Variants in CRTAP observed in about 807,000 individuals in gnomAD.
The protein encoded by CRTAP is cartilage-associated protein.
A neutral mutation model predicts 42.7 loss-of-function variants in CRTAP; 33 were observed. That is an observed-to-expected ratio of 0.77 (90% CI 0.59 to 1.03). CRTAP has a LOEUF of 1.03. Among genes scored for constraint, CRTAP ranks in the 50% least tolerant of loss-of-function variants. CRTAP has a pLI of 0.00. For synonymous variants in CRTAP, 243 were observed against 217.7 expected (o/e 1.12, Z -1.02); for missense variants, 613 against 533.9 (o/e 1.15, Z -1.46).
At position 33,126,379 on chromosome 3, in the gene CRTAP, T is replaced by C. The variant is rs149395205; in HGVS notation, c.793+1800T>C. On this transcript the variant is annotated intron_variant, in intron 3 of 6. Transcript: ENST00000320954. Reference sequence around the variant, plus strand: ...TGAAGAATCTGCATTTTTTGTCCCGTAGAGATTCCCATGGTCTGGGTTTTG... The same window carrying C: ...TGAAGAATCTGCATTTTTTGTCCCGCAGAGATTCCCATGGTCTGGGTTTTG... 1.4e-3 allele frequency among the ~76,000 whole-genome samples: 219 copies of C among 152,328 alleles called. 1 individual carries two copies. Among genetic ancestry groups the C allele is most frequent in the African/African-American group, 5.2e-3 (215 of 41,578 alleles).
At chr3:33,139,112 G>A (rs1233036849) in intron 6 of CRTAP, among the ~76,000 whole-genome samples, 1 of 152,066 alleles carries the variant, frequency 6.6e-6, no homozygotes, top group East Asian at 1.9e-4. Context: ...CCACTGTACT[G>A]TAGCCTGGGT....
rs370189178 is a variant in CRTAP, at chr3:33,120,972, A to T, written c.621+479A>T. ...GGACACTTAAATCTGCGCATCTACG[A>T]AGAAGAGTTTTGATGAGAATTAGTC... On this transcript the variant is annotated intron_variant, in intron 2 of 6. Coordinates refer to ENST00000320954, the MANE Select transcript of CRTAP (RefSeq NM_006371.5). Among the ~76,000 whole-genome samples, 226 of 152,302 alleles carry T rather than the reference A, an allele frequency of 1.5e-3. 5 individuals carry two copies. The South Asian group carries it at 0.042, about 28-fold the overall frequency.
At chr3:33,123,323 G>A (rs1211094676) in intron 2 of CRTAP, among the ~76,000 whole-genome samples, 1 of 152,170 alleles carries the variant, frequency 6.6e-6, no homozygotes, top group Admixed American at 6.5e-5. Context: ...GGTGGGGCCT[G>A]GTGGGAGGTG....
At chr3:33,138,816 G>A (rs975129051) in intron 6 of CRTAP, among the ~76,000 whole-genome samples, 3 of 152,032 alleles carry the variant, frequency 2.0e-5, no homozygotes, top group African/African-American at 4.8e-5. Context: ...AGACCAGCCT[G>A]GGCAACATAG....
At chr3:33,138,679 CT>C (rs2030491305) in intron 6 of CRTAP, among the ~76,000 whole-genome samples, 1 of 152,090 alleles carries the variant, frequency 6.6e-6, no homozygotes, top group African/African-American at 2.4e-5. Context: ...CGTAATTGTT[CT>C]AGTTAAAACT....
At chr3:33,139,028 C>T (rs2030501293) in intron 6 of CRTAP, among the ~76,000 whole-genome samples, 1 of 152,142 alleles carries the variant, frequency 6.6e-6, no homozygotes, top group Non-Finnish European at 1.5e-5. Flanking sequence ...CCTGTAATCC[C>T]AGCTACTCAG....
intron 4 of CRTAP, among the ~76,000 whole-genome samples, chr3:33,130,651 G>A (rs1423309233): frequency 6.8e-6 from 1 of 147,286 alleles, no homozygotes; most frequent in Admixed American, 6.9e-5. Context: ...CCCTTCCTCA[G>A]CCTCCTGAGT....
chr3:33,126,814 C>T (rs775672779), intron 3 of CRTAP, among the ~76,000 whole-genome samples: 57 of 152,170 alleles, frequency 3.7e-4, no homozygotes, highest in Non-Finnish European at 7.6e-4. Context: ...ATGTACATTG[C>T]TTCAGTCCAG....
At chr3:33,141,066 A>T (rs1210201048) in intron 6 of CRTAP, among the ~76,000 whole-genome samples, 1 of 152,146 alleles carries the variant, frequency 6.6e-6, no homozygotes, top group Non-Finnish European at 1.5e-5. Flanking sequence ...GGCAGCTGCT[A>T]GCCATTAGCA....
At chr3:33,128,215 C>T (rs1196112555) in intron 3 of CRTAP, among the ~76,000 whole-genome samples, 1 of 151,976 alleles carries the variant, frequency 6.6e-6, no homozygotes, top group East Asian at 1.9e-4. Context: ...TGCTTGTATT[C>T]AATCTGTAGT....
At chr3:33,121,140 G>A (rs1315159732) in intron 2 of CRTAP, among the ~76,000 whole-genome samples, 5 of 152,192 alleles carry the variant, frequency 3.3e-5, no homozygotes, top group African/African-American at 7.2e-5. Flanking sequence ...TGGGCACAGT[G>A]GCTCATGCCT....
At chr3:33,118,747 A>G (rs1412473973) in intron 1 of CRTAP, among the ~76,000 whole-genome samples, 3 of 152,216 alleles carry the variant, frequency 2.0e-5, no homozygotes, top group Admixed American at 6.5e-5. Context: ...CCAAGAGTCC[A>G]TCAGCATGGG....
At chr3:33,123,631 T>G (rs1490706839) in intron 2 of CRTAP, among the ~76,000 whole-genome samples, 3 of 21,466 alleles carry the variant, frequency 1.4e-4, no homozygotes, top group South Asian at 3.4e-3. Context: ...CTCGGTTTTT[T>G]TTTTTTTTTT....
intron 6 of CRTAP, among the ~76,000 whole-genome samples, chr3:33,135,650 G>A (rs946433743): frequency 7.3e-5 from 11 of 151,044 alleles, no homozygotes; most frequent in Non-Finnish European, 7.4e-5. Context: ...ATTTAGAAAA[G>A]GTAAGAGAAG....
At chr3:33,136,643 T>C (rs1456395327) in intron 6 of CRTAP, among the ~76,000 whole-genome samples, 1 of 152,174 alleles carries the variant, frequency 6.6e-6, no homozygotes. Context: ...TCTGCTTGGC[T>C]TCTGGTGAGG....
intron 3 of CRTAP, among the ~76,000 whole-genome samples, chr3:33,129,497 T>G (rs1179649420): frequency 1.3e-5 from 2 of 151,992 alleles, no homozygotes; most frequent in Non-Finnish European, 2.9e-5. Flanking sequence ...ATTAAAGATT[T>G]TCAGCTCCTT....
rs1407804820 is a variant in CRTAP, at chr3:33,146,365, T to C, written c.*3917T>C. 3 of 152,276 alleles carry C rather than the reference T, an allele frequency of 2.0e-5. No individual in the cohort carries two copies. The highest frequency in any genetic ancestry group is 6.5e-5 in the Admixed American group (1 of 15,280). The allele number at this position is 152,276 out of a possible 1,614,324, so 9.4% of individuals were successfully genotyped here. On this transcript the variant is annotated 3_prime_UTR_variant, in exon 7 of 7. Transcript: ENST00000320954. ...GTGGTGGGGCATCTGTCCAGCCCCA[T>C]TGCCACTCAGGGCATCCAAACAGGA...
intron 5 of CRTAP, 122 bp from the exon 6 acceptor site, chr3:33,134,060 C>T: frequency 2.7e-6 from 2 of 729,868 alleles, no homozygotes; most frequent in Non-Finnish European, 2.5e-6. Context: ...CAGCCATTAC[C>T]ACTATCTAAT....
Position 33,120,578 on chromosome 3 carries a change from G to A in CRTAP, c.621+85G>A. 3 of 1,547,760 alleles carry A rather than the reference G, an allele frequency of 1.9e-6. No homozygotes were observed. The Admixed American group carries it at 5.9e-5, about 30-fold the overall frequency. ...TCCATAAGCAGCTGCTGATAGCTAA[G>A]GACCTCTAGTGATTTTTGGTGACAT... On this transcript the variant is annotated intron_variant, in intron 2 of 6. Transcript: ENST00000320954.
Sources: allele counts gnomAD v4.1 joint callset (sites outside exome capture counted in the v4.1 genomes callset), GRCh38; gene constraint gnomAD v4.1.1; transcripts MANE v1.5; gene names NCBI Gene and HGNC (gene_info 2026-07-23, HGNC 2026-07-21).